ZPBP: variants seen among roughly 807,000 people sequenced by gnomAD.
The protein encoded by ZPBP is zona pellucida binding protein.
In ZPBP, 26 loss-of-function variants were observed where a neutral mutation model predicts 44.8. The ratio of observed to expected loss-of-function variants is 0.58; its 90% CI spans 0.43 to 0.81. The LOEUF (loss-of-function observed/expected upper bound fraction) is 0.81, where lower values mean the gene tolerates loss of function less well. Among genes scored for constraint, ZPBP ranks in the 30% least tolerant of loss-of-function variants. The pLI, the probability that ZPBP is intolerant of heterozygous loss-of-function variation, is 0.00. For synonymous variants in ZPBP, 174 were observed against 153.2 expected (o/e 1.14, Z -1.00); for missense variants, 409 against 434.0 (o/e 0.94, Z 0.51).
chr7:49,951,766 A>C (rs1222827274), intron 7 of ZPBP, among the ~76,000 whole-genome samples: 2 of 151,742 alleles, frequency 1.3e-5, no homozygotes, highest in African/African-American at 4.8e-5. Context: ...TGGGCACTTA[A>C]GTATATACTT....
intron 3 of ZPBP, among the ~76,000 whole-genome samples, chr7:50,072,763 C>T (rs1017945985): frequency 1.3e-5 from 2 of 152,220 alleles, no homozygotes; most frequent in Non-Finnish European, 2.9e-5. Context: ...CTGCAAGAAC[C>T]AAAGCATTAC....
At chr7:49,972,716 A>G (rs1562811043) in intron 7 of ZPBP, among the ~76,000 whole-genome samples, 1 of 152,118 alleles carries the variant, frequency 6.6e-6, no homozygotes, top group African/African-American at 2.4e-5. Context: ...TTTTGCAAAA[A>G]ATAGGAAACC....
In ZPBP at chr7:49,867,845, A is replaced by G. The variant is rs6972877; in HGVS notation, n.510-17331T>C. The stretch of plus-strand genomic sequence containing the variant: ...ATTTTTTATTTTATTATTTTATTTT[A>G]TTTTTTGAGGTGGAGTCTTGCCCTG... On this transcript the variant is annotated intron_variant and non_coding_transcript_variant, in intron 2 of 2. Transcript: ENST00000465922. Among the ~76,000 whole-genome samples, 5 of 127,262 alleles carry G rather than the reference A, an allele frequency of 3.9e-5. No homozygotes were observed. The East Asian group carries it at 1.8e-3, about 45-fold the overall frequency. 83.5% of individuals were successfully genotyped at this position (127,262 alleles called of 152,430 possible). A position where few individuals can be genotyped will look rare whatever the true frequency, so the allele number is the denominator to read the frequency against.
At chr7:49,936,763 A>G (rs1330408797), downstream of ZPBP, among the ~76,000 whole-genome samples, 1 of 152,214 alleles carries the variant, frequency 6.6e-6, no homozygotes, top group Admixed American at 6.5e-5. Flanking sequence ...AGTAATTAAT[A>G]TCTGTTATAT....
intron 2 of ZPBP, among the ~76,000 whole-genome samples, chr7:49,896,746 T>C (rs1042864960): frequency 2.7e-5 from 4 of 150,250 alleles, no homozygotes; most frequent in African/African-American, 9.7e-5. Context: ...AATGAAGGAA[T>C]ATTATCAGCG....
intron 6 of ZPBP, among the ~76,000 whole-genome samples, chr7:50,006,403 A>G (rs1798314308): frequency 6.6e-6 from 1 of 152,080 alleles, no homozygotes; most frequent in East Asian, 1.9e-4. Context: ...AAAGGTTGAA[A>G]TAATACAAAG....
chr7:50,067,038 G>A (rs907050596), intron 3 of ZPBP, among the ~76,000 whole-genome samples: 1 of 152,180 alleles, frequency 6.6e-6, no homozygotes, highest in South Asian at 2.1e-4. Context: ...TCTTATATGG[G>A]TCCTAGAGTG....
At chr7:49,980,144 T>C (rs1322936242) in intron 7 of ZPBP, among the ~76,000 whole-genome samples, 2 of 115,164 alleles carry the variant, frequency 1.7e-5, no homozygotes, top group African/African-American at 7.0e-5. Context: ...ATTATATTTA[T>C]ATTATAATTA....
At chr7:49,881,607 T>G (rs1232397351) in intron 2 of ZPBP, among the ~76,000 whole-genome samples, 1 of 152,160 alleles carries the variant, frequency 6.6e-6, no homozygotes, top group African/African-American at 2.4e-5. Context: ...TTTGAAATAG[T>G]CTTGTTCCCA....
chr7:49,861,220 G>A (rs1790638988), intron 2 of ZPBP, among the ~76,000 whole-genome samples: 1 of 152,034 alleles, frequency 6.6e-6, no homozygotes, highest in South Asian at 2.1e-4. Flanking sequence ...ATGTAAAATG[G>A]AATCCTATTG....
chr7:50,052,545 T>G (rs1176299548), intron 4 of ZPBP, among the ~76,000 whole-genome samples: 11 of 152,156 alleles, frequency 7.2e-5, no homozygotes, highest in African/African-American at 2.7e-4. Flanking sequence ...AGTTTGGCAG[T>G]TTTTTATAAA....
chr7:49,958,675 T>C (rs1466568333), intron 7 of ZPBP, among the ~76,000 whole-genome samples: 1 of 152,212 alleles, frequency 6.6e-6, no homozygotes, highest in African/African-American at 2.4e-5. Flanking sequence ...GAGTCTGTGG[T>C]ATTCTGTTTT....
intron 2 of ZPBP, among the ~76,000 whole-genome samples, chr7:49,879,698 T>C (rs1182962798): frequency 1.3e-5 from 2 of 151,994 alleles, no homozygotes. Flanking sequence ...TCCTAGTACA[T>C]AGTAATTCTT....
At chr7:50,014,656 G>A (rs1262718434) in intron 6 of ZPBP, among the ~76,000 whole-genome samples, 1 of 151,170 alleles carries the variant, frequency 6.6e-6, no homozygotes, top group Non-Finnish European at 1.5e-5. Context: ...GTAGAGATGG[G>A]GTTTCTCCAT....
At position 50,077,695 on chromosome 7, in the gene ZPBP, A is replaced by G. The variant is rs548635634; in HGVS notation, c.334+4079T>C. 1.2e-4 allele frequency among the ~76,000 whole-genome samples: 18 copies of G among 151,914 alleles called. 1 individual carries two copies. The highest frequency in any genetic ancestry group is 4.1e-4 in the African/African-American group (17 of 41,534). ...AATGCAAATCAAAACTACAAGAGGT[A>G]TCATCTCACCAGTTAAAATGGCTTA... is the stretch of plus-strand genomic sequence containing the variant. On this transcript the variant is annotated intron_variant, in intron 3 of 7. Transcript: ENST00000046087.
intron 2 of ZPBP, among the ~76,000 whole-genome samples, chr7:49,860,320 C>T (rs2128719991): frequency 6.6e-6 from 1 of 152,304 alleles, no homozygotes; most frequent in East Asian, 1.9e-4. Flanking sequence ...TTTACCTGTT[C>T]TAGCTATTTC....
chr7:49,920,807 A>G (rs1357787115), intron 1 of ZPBP: 2 of 152,230 alleles, frequency 1.3e-5, no homozygotes, highest in Non-Finnish European at 2.9e-5. Flanking sequence ...TTTAAATAAC[A>G]TCATTTACCA....
intron 6 of ZPBP, among the ~76,000 whole-genome samples, chr7:50,005,707 A>C (rs1798275676): frequency 6.6e-6 from 1 of 151,890 alleles, no homozygotes. Flanking sequence ...AGAGTAAGGG[A>C]GGAAAAGAGG....
intron 2 of ZPBP, among the ~76,000 whole-genome samples, chr7:49,877,919 T>C (rs74404047): frequency 6.6e-6 from 1 of 152,094 alleles, no homozygotes; most frequent in African/African-American, 2.4e-5. Context: ...TTGGGTCTAG[T>C]TGAAAAACAT....
Sources: allele counts gnomAD v4.1 joint callset (sites outside exome capture counted in the v4.1 genomes callset), GRCh38; gene constraint gnomAD v4.1.1; transcripts MANE v1.5; gene names NCBI Gene and HGNC (gene_info 2026-07-23, HGNC 2026-07-21).